Variants in CARD14 observed in about 807,000 individuals in gnomAD.
The protein encoded by CARD14 is caspase recruitment domain family member 14, also known as caspase recruitment domain-containing protein 14.
CARD14 carries 107 observed loss-of-function variants against 111.5 expected under a neutral mutation model. That is an observed-to-expected ratio of 0.96 (90% CI 0.82 to 1.13). The LOEUF is 1.13. Among genes scored for constraint, CARD14 ranks in the 50% most tolerant of loss-of-function variants. CARD14 has a pLI of 0.00. For synonymous variants in CARD14, 617 were observed against 579.6 expected (o/e 1.06, Z -0.93); for missense variants, 1,322 against 1,362.3 (o/e 0.97, Z 0.47).
intron 2 of CARD14, among the ~76,000 whole-genome samples, chr17:80,174,331 G>A (rs987529734): frequency 6.6e-6 from 1 of 152,112 alleles, no homozygotes; most frequent in African/African-American, 2.4e-5. Flanking sequence ...TCCTGCCTCA[G>A]CCTCCCAAGT....
chr17:80,187,970 T>G (rs1343706468), intron 7 of CARD14: 1 of 986,956 alleles, frequency 1.0e-6, no homozygotes, highest in African/African-American at 1.7e-5. Context: ...TACTTCTTAC[T>G]GATTTCCATG....
rs1320155814 is a variant in CARD14, at chr17:80,189,645, C to A, written c.844-108C>A. The A allele has an allele frequency of 9.1e-6, 12 of 1,312,744 alleles. No homozygotes were observed. The highest frequency in any genetic ancestry group is 1.0e-5 in the Non-Finnish European group (10 of 1,000,646). The allele number at this position is 1,312,744 out of a possible 1,614,324, so 81.3% of individuals were successfully genotyped here. ...CGGTGTAGAGTGGCAAGACTGCATCCGTCCACACACCTGACCGTGCAGTTG... is the reference window on the plus strand; with the variant it reads ...CGGTGTAGAGTGGCAAGACTGCATCAGTCCACACACCTGACCGTGCAGTTG... On this transcript the variant is annotated intron_variant, in intron 8 of 23. Coordinates refer to ENST00000648509, the MANE Select transcript of CARD14 (RefSeq NM_001366385.1). This position sits in a 1 kb window ranked among gnomAD's most constrained non-coding sequence, Gnocchi z 4.7.
chr17:80,184,028 G>C lies in CARD14; in HGVS notation c.465G>C (p.Gln155His). 1 of 1,586,494 alleles carries C rather than the reference G, an allele frequency of 6.3e-7. No individual in the cohort carries two copies. ...QKEVLLRRCQ[Q>H]LQEHLGLAET... ...AGGTGCTGCTGCGGCGGTGCCAGCA[G>C]CTGCAGGAGCACCTGGGCCTGGCCG... Residue 155 changes from glutamine (Q) to histidine (H), a missense_variant, in exon 7 of 24, where the codon CAG becomes CAC. Gln to His is a conservative substitution (Grantham distance 24). Coordinates refer to ENST00000648509, the MANE Select transcript of CARD14 (RefSeq NM_001366385.1).
chr17:80,187,263 C>T (rs764027513), intron 7 of CARD14, among the ~76,000 whole-genome samples: 32 of 152,220 alleles, frequency 2.1e-4, no homozygotes, highest in Non-Finnish European at 3.7e-4. Context: ...CTGCCATTAA[C>T]AGCCCCGCTA....
At chr17:80,199,979 G>A (rs912048552) in intron 16 of CARD14, among the ~76,000 whole-genome samples, 3 of 152,086 alleles carry the variant, frequency 2.0e-5, no homozygotes, top group African/African-American at 7.2e-5. Context: ...TCATTCCAGA[G>A]GCTCACCCTG....
rs887623696 is a variant in CARD14, at chr17:80,198,151, T to G, written c.1647T>G (p.Asp549Glu). The stretch of plus-strand genomic sequence containing the variant: ...AGCCAGTCTCCCCTGGAAGGCTTGA[T>G]GTCTCGGAGAGGTAAGCAGCAGGTG... Reference protein sequence around the residue: ...SLQPVSPGRLDVSESGVLMRR... With the variant: ...SLQPVSPGRLEVSESGVLMRR... Residue 549 changes from aspartate to glutamate, a missense_variant, in exon 15 of 24, where the codon GAT becomes GAG. Physicochemically the swap from Asp to Glu is conservative, Grantham distance 45. Transcript: ENST00000648509. This position sits in a 1 kb window ranked among gnomAD's most constrained non-coding sequence, Gnocchi z 7.5. 1.9e-6 allele frequency: 3 copies of G among 1,613,830 alleles called. No homozygotes were observed. The highest frequency in any genetic ancestry group is 2.5e-6 in the Non-Finnish European group (3 of 1,179,990).
At position 80,198,680 on chromosome 17, in the gene CARD14, C is replaced by T. The variant is rs563842862; in HGVS notation, c.1851+89C>T. 8.1e-6 allele frequency: 13 copies of T among 1,606,068 alleles called. No individual in the cohort carries two copies. Among genetic ancestry groups the T allele is most frequent in the South Asian group, 6.6e-5 (6 of 90,700 alleles). Reference sequence around the variant, plus strand: ...GTGACCCAGGCAGACTTCACCTCCCCCAGACGATGCAGATCCACTCTGGGC... The same window carrying T: ...GTGACCCAGGCAGACTTCACCTCCCTCAGACGATGCAGATCCACTCTGGGC... On this transcript the variant is annotated intron_variant, in intron 16 of 23. Coordinates refer to ENST00000648509, the MANE Select transcript of CARD14 (RefSeq NM_001366385.1). This position sits in a 1 kb window ranked among gnomAD's most constrained non-coding sequence, Gnocchi z 7.5.
At chr17:80,191,201 G>C in intron 10 of CARD14, 122 bp from the exon 11 acceptor site, 1 of 1,228,050 alleles carries the variant, frequency 8.1e-7, no homozygotes, top group South Asian at 1.4e-5. Context: ...AGTTTGCACA[G>C]CTCAGCGTGG....
In CARD14 at chr17:80,208,658, G is replaced by A. The variant is rs1488434089; in HGVS notation, c.*313G>A. 2.4e-5 allele frequency: 7 copies of A among 290,732 alleles called. No homozygotes were observed. The highest frequency in any genetic ancestry group is 1.2e-4 in the East Asian group (2 of 16,222). The allele number at this position is 290,732 out of a possible 1,614,324, so 18.0% of individuals were successfully genotyped here. On this transcript the variant is annotated 3_prime_UTR_variant, in exon 24 of 24. Coordinates refer to ENST00000648509, the MANE Select transcript of CARD14 (RefSeq NM_001366385.1). ...GTCTTCCCATGCCTTCCCTAGAACC[G>A]GAGGCCCCGGACTTCTCTGGAAAAC... is the stretch of plus-strand genomic sequence containing the variant.
At chr17:80,192,468 C>G (rs748097162) in intron 11 of CARD14, 35 bp from the exon 12 acceptor site, 1 of 1,566,788 alleles carries the variant, frequency 6.4e-7, no homozygotes, top group South Asian at 1.1e-5. Context: ...GAACCTTTCC[C>G]GAATTAACCA....
chr17:80,179,393 C>A (rs906673639), intron 4 of CARD14, 92 bp downstream of exon 4: 13 of 152,202 alleles, frequency 8.5e-5, no homozygotes, highest in Non-Finnish European at 1.6e-4. Flanking sequence ...GTATGAGAAA[C>A]CTCAGAAGCC....
rs767918370 is a variant in CARD14 at position 80,182,362 on chromosome 17, C to T, written c.212-291C>T. Among the ~76,000 whole-genome samples, 7 of 152,224 alleles carry T rather than the reference C, an allele frequency of 4.6e-5. No homozygotes were observed. Among genetic ancestry groups the T allele is most frequent in the Non-Finnish European group, 8.8e-5 (6 of 68,036 alleles). ...CAAGCAGGGACCCACCTCCTCACCC[C>T]GTCCCGGTCCCCCCGCACTCGCCAG... is the stretch of plus-strand genomic sequence containing the variant. On this transcript the variant is annotated intron_variant, in intron 5 of 23. Transcript: ENST00000648509. This position sits in a 1 kb window ranked among gnomAD's most constrained non-coding sequence, Gnocchi z 4.7.
chr17:80,174,557 G>A (rs1172700265), intron 2 of CARD14, among the ~76,000 whole-genome samples: 1 of 152,082 alleles, frequency 6.6e-6, no homozygotes, highest in Non-Finnish European at 1.5e-5. Context: ...ATAAAGTGAT[G>A]CCTTCCTTCC....
At position 80,198,246 on chromosome 17, in the gene CARD14, C is replaced by T. The variant is rs879651817; in HGVS notation, c.1658+84C>T. On this transcript the variant is annotated intron_variant, in intron 15 of 23. Transcript: ENST00000648509. The surrounding 1 kb of genome is among the most constrained non-coding windows in gnomAD (Gnocchi z 7.5). ...AGAGCAGAGGGTGAGTGTCCTATTA[C>T]CAATGGGAGGCAACAGCCTTTCCAA... 7 of 1,560,776 alleles carry T rather than the reference C, an allele frequency of 4.5e-6. No individual in the cohort carries two copies. The highest frequency in any genetic ancestry group is 6.2e-6 in the Non-Finnish European group (7 of 1,134,288).
rs1455004977 is a variant in CARD14, at chr17:80,181,664, C to T, written c.211+15C>T. On this transcript the variant is annotated intron_variant, in intron 5 of 23. Transcript: ENST00000648509. ...CATGCGGGCCGGTGAGCGCAGCTCC[C>T]TCTTCCCCACCTCTTCCAGCTTCCC... is the stretch of plus-strand genomic sequence containing the variant. 6.5e-7 allele frequency: 1 copy of T among 1,532,024 alleles called. No individual in the cohort carries two copies. Among genetic ancestry groups the T allele is most frequent in the Admixed American group, 2.0e-5 (1 of 50,544 alleles). 94.9% of individuals were successfully genotyped at this position (1,532,024 alleles called of 1,614,324 possible). A position where few individuals can be genotyped will look rare whatever the true frequency, so the allele number is the denominator to read the frequency against.
chr17:80,183,859 C>T, intron 6 of CARD14, 54 bp from the exon 7 acceptor site: 1 of 1,410,944 alleles, frequency 7.1e-7, no homozygotes. Context: ...TACCCACCTG[C>T]CCACCTATTA....
intron 23 of CARD14, 122 bp from the exon 24 acceptor site, chr17:80,208,016 C>A: frequency 1.6e-6 from 1 of 644,316 alleles, no homozygotes; most frequent in Non-Finnish European, 2.5e-6. Context: ...TTTACAAGGT[C>A]CCCTCAAAGC....
intron 7 of CARD14, among the ~76,000 whole-genome samples, chr17:80,184,996 C>T (rs1374476680): frequency 3.3e-5 from 5 of 152,202 alleles, no homozygotes. Context: ...TCTCAAAATA[C>T]TGAGGATGTG....
In CARD14 at chr17:80,184,055, G is replaced by C. The variant is rs2144185758; in HGVS notation, c.492G>C (p.Glu164Asp). The change falls in exon 7 of 24, where the codon GAG (glutamate) becomes GAC (aspartate). Residue 164 changes from glutamate (E) to aspartate (D), a missense_variant. Coordinates refer to ENST00000648509, the MANE Select transcript of CARD14 (RefSeq NM_001366385.1). ...QQLQEHLGLAETRAEGLHQLE... is the reference protein window; with the variant it reads ...QQLQEHLGLADTRAEGLHQLE... The stretch of plus-strand genomic sequence containing the variant: ...TGCAGGAGCACCTGGGCCTGGCCGA[G>C]ACCCGTGCCGAGGGCCTGCACCAGC... 6.3e-7 allele frequency: 1 copy of C among 1,586,232 alleles called. No homozygotes were observed. The highest frequency in any genetic ancestry group is 1.7e-4 in the Middle Eastern group (1 of 6,026).
Sources: gnomAD v4.1 joint callset for allele counts (sites outside exome capture counted in the v4.1 genomes callset) on GRCh38, gnomAD v4.1.1 for gene constraint, Gnocchi (gnomAD v3.1) non-coding constraint, MANE v1.5 for transcripts, NCBI Gene and HGNC (gene_info 2026-07-23, HGNC 2026-07-21) for gene names.